Variants in XAB2 observed in about 807,000 individuals in gnomAD.
XAB2 encodes the protein pre-mRNA-splicing factor SYF1.
A neutral mutation model predicts 113.4 loss-of-function variants in XAB2; 57 were observed. The ratio of observed to expected loss-of-function variants is 0.50; its 90% CI spans 0.41 to 0.63. The LOEUF (loss-of-function observed/expected upper bound fraction) is 0.63. Among genes scored for constraint, XAB2 ranks in the 20% least tolerant of loss-of-function variants. XAB2 has a pLI of 0.00. For missense variants in XAB2, 1,037 were observed against 1,233.3 expected (o/e 0.84, Z 2.38); for synonymous variants, 497 against 498.8 (o/e 1.00, Z 0.05).
At chr19:7,621,095 G>GCCCCCCCCC in intron 13 of XAB2, 40 bp downstream of exon 13, 8 of 1,486,288 alleles carry the variant, frequency 5.4e-6, no homozygotes, top group Non-Finnish European at 6.3e-6. Flanking sequence ...CAGAAACCCA[G>GCCCCCCCCC]CCCGCCCGCC....
chr19:7,629,428 G>T, intron 1 of XAB2, 49 bp downstream of exon 1: 1 of 1,563,394 alleles, frequency 6.4e-7, no homozygotes, highest in Non-Finnish European at 8.7e-7. Flanking sequence ...GCGGCGTCCA[G>T]GTCCCAATGC....
chr19:7,627,819 C>T lies in XAB2; in HGVS notation c.233G>A (p.Arg78His), dbSNP rs1205577155. Reference protein sequence around the residue: ...YKLWYRYLKARRAQVKHRCVT... With the variant: ...YKLWYRYLKAHRAQVKHRCVT... ...ACAGCGATGCTTCACCTGTGCCCGACGCGCCTTCAGGTATCGGTACCAGAG... is the reference window on the plus strand; with the variant it reads ...ACAGCGATGCTTCACCTGTGCCCGATGCGCCTTCAGGTATCGGTACCAGAG... Residue 78 changes from arginine to histidine, a missense_variant, in exon 3 of 19, where the codon CGT becomes CAT. Physicochemically the swap from Arg to His is conservative, Grantham distance 29 (BLOSUM62 0). Transcript: ENST00000358368. The surrounding 1 kb of genome is among the most constrained non-coding windows in gnomAD (Gnocchi z 4.5). 10 of 1,613,902 alleles carry T rather than the reference C, an allele frequency of 6.2e-6. No individual in the cohort carries two copies. The highest frequency in any genetic ancestry group is 8.5e-6 in the Non-Finnish European group (10 of 1,179,994).
rs908124677 is a variant in XAB2, at chr19:7,623,457, G to C, written c.1120-168C>G. Among the ~76,000 whole-genome samples, 3 of 151,986 alleles carry C rather than the reference G, an allele frequency of 2.0e-5. No individual in the cohort carries two copies. Among genetic ancestry groups the C allele is most frequent in the Admixed American group, 1.3e-4 (2 of 15,276 alleles). ...CAATGGTCAGGACCAAGAGAGAGCT[G>C]TGGCCCTAAGGGGCGGGGCCAGGAG... On this transcript the variant is annotated intron_variant, in intron 8 of 18. Coordinates refer to ENST00000358368, the MANE Select transcript of XAB2 (RefSeq NM_020196.3). The surrounding 1 kb of genome is among the most constrained non-coding windows in gnomAD (Gnocchi z 4.6).
chr19:7,626,139 G>C lies in XAB2; in HGVS notation c.654C>G (p.Tyr218Ter), dbSNP rs752983042. 1.2e-6 allele frequency: 2 copies of C among 1,613,600 alleles called. No homozygotes were observed. Among genetic ancestry groups the C allele is most frequent in the South Asian group, 1.1e-5 (1 of 91,082 alleles). The stretch of plus-strand genomic sequence containing the variant: ...TGCCGGCTCCCGGCAGGCCCACCTG[G>C]TAGTTGGACTTGCCGGCCTTAGACA... ...RFVSKAGKSN[Y>*]QLWHELCDLI... The change falls in exon 5 of 19, where the codon TAC becomes TAG. Residue 218 changes from tyrosine to a stop codon, truncating the protein, a stop_gained. Coordinates refer to ENST00000358368, the MANE Select transcript of XAB2 (RefSeq NM_020196.3). LOFTEE classifies it high-confidence loss of function.
At position 7,628,677 on chromosome 19, in the gene XAB2, G is replaced by A. The variant is rs1432985549; in HGVS notation, c.52-379C>T. ...ACCAGACCCCACTTCTTCAAAACGT[G>A]CCTCTTCCCAGACACCAGGCCTTTG... On this transcript the variant is annotated intron_variant, in intron 1 of 18. Coordinates refer to ENST00000358368, the MANE Select transcript of XAB2 (RefSeq NM_020196.3). The surrounding 1 kb of genome is among the most constrained non-coding windows in gnomAD (Gnocchi z 4.6). Among the ~76,000 whole-genome samples, 1 of 152,042 alleles carries A rather than the reference G, an allele frequency of 6.6e-6. No individual in the cohort carries two copies. Among genetic ancestry groups the A allele is most frequent in the South Asian group, 2.1e-4 (1 of 4,826 alleles).
chr19:7,627,986 A>G lies in XAB2; in HGVS notation c.201-135T>C. 2.7e-6 allele frequency: 4 copies of G among 1,483,504 alleles called. No homozygotes were observed. Among genetic ancestry groups the G allele is most frequent in the Non-Finnish European group, 3.6e-6 (4 of 1,098,148 alleles). 91.9% of individuals were successfully genotyped at this position (1,483,504 alleles called of 1,614,324 possible). ...GACATGTCTCAGCAATGACAGGGACAGACTGGGACATCAGAGAAGGTGTGC... is the reference window on the plus strand; with the variant it reads ...GACATGTCTCAGCAATGACAGGGACGGACTGGGACATCAGAGAAGGTGTGC... On this transcript the variant is annotated intron_variant, in intron 2 of 18. Coordinates refer to ENST00000358368, the MANE Select transcript of XAB2 (RefSeq NM_020196.3). This position sits in a 1 kb window ranked among gnomAD's most constrained non-coding sequence, Gnocchi z 4.5.
Position 7,620,861 on chromosome 19 carries a change from G to A in XAB2, c.1956C>T (p.Tyr652=), listed in dbSNP as rs1308638606. 7.6e-6 allele frequency: 12 copies of A among 1,587,274 alleles called. No homozygotes were observed. The East Asian group carries it at 1.1e-4, about 15-fold the overall frequency. The stretch of plus-strand genomic sequence containing the variant: ...CGGTGGGTACCTCAATGGCCTTCTG[G>A]TAGATGCCGCGGGTGTGGGTGACCC... The part of the protein sequence containing the change: ...IYGVTHTRGI[Y]QKAIEVLSDE... The change falls in exon 14 of 19, where the codon TAC becomes TAT. Residue 652 remains tyrosine, a synonymous_variant. Transcript: ENST00000358368.
rs752216241 is a variant in XAB2 at position 7,627,337 on chromosome 19, G to A, written c.428C>T (p.Thr143Met). 1.4e-5 allele frequency: 22 copies of A among 1,613,616 alleles called. No homozygotes were observed. The highest frequency in any genetic ancestry group is 8.8e-5 in the South Asian group (8 of 91,078). ...FDRALRALPI[T>M]QHSRIWPLYL... is the part of the protein sequence containing the mutation. The stretch of plus-strand genomic sequence containing the variant: ...CAGGGGCCAAATTCGAGAGTGCTGC[G>A]TGATGGGCAGTGCCCGGAGGGCACG... Residue 143 changes from threonine to methionine, a missense_variant, in exon 4 of 19, where the codon ACG becomes ATG. Transcript: ENST00000358368. This position sits in a 1 kb window ranked among gnomAD's most constrained non-coding sequence, Gnocchi z 4.5.
chr19:7,622,226 C>A, intron 12 of XAB2, 105 bp downstream of exon 12: 1 of 1,080,768 alleles, frequency 9.3e-7, no homozygotes, highest in Non-Finnish European at 1.4e-6. Flanking sequence ...GTCACCCAGT[C>A]TGTATACTGT....
intron 12 of XAB2, 99 bp from the exon 13 acceptor site, chr19:7,621,396 A>G (rs4134861): frequency 7.0e-7 from 1 of 1,422,248 alleles, no homozygotes; most frequent in Non-Finnish European, 9.7e-7. Context: ...CCTGCCAGGA[A>G]CTCCCTTGGG....
intron 4 of XAB2, among the ~76,000 whole-genome samples, chr19:7,626,898 TC>T (rs1463702502): frequency 6.6e-6 from 1 of 152,162 alleles, no homozygotes; most frequent in Non-Finnish European, 1.5e-5. Context: ...TGCCTGCTTC[TC>T]CCCACCCCTA....
In XAB2 at chr19:7,624,217, C is replaced by G. The variant is rs1210436573; in HGVS notation, c.967+84G>C. The G allele has an allele frequency of 3.2e-6, 5 of 1,586,614 alleles. No individual in the cohort carries two copies. Among genetic ancestry groups the G allele is most frequent in the Non-Finnish European group, 4.3e-6 (5 of 1,170,340 alleles). ...TGGCCCCCAGCTGAGCCTCCCAGGGCTGCCTCACCTGAGATGTGTCCCGCC... is the reference window on the plus strand; with the variant it reads ...TGGCCCCCAGCTGAGCCTCCCAGGGGTGCCTCACCTGAGATGTGTCCCGCC... On this transcript the variant is annotated intron_variant, in intron 7 of 18. Transcript: ENST00000358368. This position sits in a 1 kb window ranked among gnomAD's most constrained non-coding sequence, Gnocchi z 4.2.
At position 7,624,217 on chromosome 19, in the gene XAB2, C is replaced by T; in HGVS notation, c.967+84G>A. On this transcript the variant is annotated intron_variant, in intron 7 of 18. Transcript: ENST00000358368. This position sits in a 1 kb window ranked among gnomAD's most constrained non-coding sequence, Gnocchi z 4.2. ...TGGCCCCCAGCTGAGCCTCCCAGGG[C>T]TGCCTCACCTGAGATGTGTCCCGCC... 6.3e-7 allele frequency: 1 copy of T among 1,586,732 alleles called. No homozygotes were observed. Among genetic ancestry groups the T allele is most frequent in the Non-Finnish European group, 8.5e-7 (1 of 1,170,332 alleles).
At position 7,623,601 on chromosome 19, in the gene XAB2, CA is replaced by C. The variant is rs2031080416; in HGVS notation, c.1119+129del. 7.7e-7 allele frequency: 1 copy of C among 1,305,374 alleles called. No individual in the cohort carries two copies. Among genetic ancestry groups the C allele is most frequent in the Non-Finnish European group, 1.0e-6 (1 of 960,458 alleles). 80.9% of individuals were successfully genotyped at this position (1,305,374 alleles called of 1,614,324 possible). On this transcript the variant is annotated intron_variant, in intron 8 of 18. Transcript: ENST00000358368. This position sits in a 1 kb window ranked among gnomAD's most constrained non-coding sequence, Gnocchi z 4.6. The stretch of plus-strand genomic sequence containing the variant: ...TCGGGCAGGAGGAGAACCCCAAGAA[CA>C]GGGGTGGAATTGGACCTACTAAGCA...
chr19:7,623,786 T>G lies in XAB2; in HGVS notation c.1064A>C (p.His355Pro). The G allele has an allele frequency of 6.2e-7, 1 of 1,612,046 alleles. No homozygotes were observed. Among genetic ancestry groups the G allele is most frequent in the Non-Finnish European group, 8.5e-7 (1 of 1,179,546 alleles). ...ACGCTTGTGCCACTCGTGCACGTGG[T>G]GTGGGTTTTGGCGCAGCAAGACGCT... ...LNSVLLRQNPHHVHEWHKRVA... is the reference protein window; with the variant it reads ...LNSVLLRQNPPHVHEWHKRVA... Residue 355 changes from histidine to proline, a missense_variant, in exon 8 of 19, where the codon CAC becomes CCC. His to Pro is a moderately conservative substitution (Grantham distance 77). Transcript: ENST00000358368. This position sits in a 1 kb window ranked among gnomAD's most constrained non-coding sequence, Gnocchi z 4.6.
At position 7,621,326 on chromosome 19, in the gene XAB2, G is replaced by T. The variant is rs774829456; in HGVS notation, c.1618-29C>A. ...TTACCAGAGGGAGAGTCACATGTGA[G>T]AGTCTGCAGATAGAGACCACCAGGC... is the stretch of plus-strand genomic sequence containing the variant. On this transcript the variant is annotated intron_variant, in intron 12 of 18. Coordinates refer to ENST00000358368, the MANE Select transcript of XAB2 (RefSeq NM_020196.3). The T allele has an allele frequency of 6.2e-6, 10 of 1,609,018 alleles. No homozygotes were observed. The South Asian group carries it at 9.9e-5, about 16-fold the overall frequency.
Position 7,627,784 on chromosome 19 carries a change from G to C in XAB2, c.268C>G (p.Pro90Ala), listed in dbSNP as rs755397413. ...AQVKHRCVTD[P>A]AYEDVNNCHE... ...CAGTTGTTGACATCTTCATAGGCAG[G>C]GTCGGTCACACAGCGATGCTTCACC... is the stretch of plus-strand genomic sequence containing the variant. Residue 90 changes from proline to alanine, a missense_variant, in exon 3 of 19, where the codon CCT becomes GCT. Coordinates refer to ENST00000358368, the MANE Select transcript of XAB2 (RefSeq NM_020196.3). This position sits in a 1 kb window ranked among gnomAD's most constrained non-coding sequence, Gnocchi z 4.5. 1 of 1,614,042 alleles carries C rather than the reference G, an allele frequency of 6.2e-7. No homozygotes were observed. Among genetic ancestry groups the C allele is most frequent in the Non-Finnish European group, 8.5e-7 (1 of 1,180,018 alleles).
chr19:7,629,477 G>T lies in XAB2; in HGVS notation c.51C>A (p.Phe17Leu). ...ACCCCCGGCTCCTCTGTGGACTCAC[G>T]AAGACAAGGTCCGGCCGCTCGGGCC... Reference protein sequence around the residue: ...LSRPERPDLVFEEEDLPYEEE... With the variant: ...LSRPERPDLVLEEEDLPYEEE... Residue 17 changes from phenylalanine (F) to leucine (L), a missense_variant and splice_region_variant, in exon 1 of 19, where the codon TTC becomes TTA. Coordinates refer to ENST00000358368, the MANE Select transcript of XAB2 (RefSeq NM_020196.3). The T allele has an allele frequency of 6.3e-7, 1 of 1,598,948 alleles. No homozygotes were observed. The highest frequency in any genetic ancestry group is 8.5e-7 in the Non-Finnish European group (1 of 1,173,144).
Position 7,623,680 on chromosome 19 carries a change from T to C in XAB2, c.1119+51A>G, listed in dbSNP as rs140132814. On this transcript the variant is annotated intron_variant, in intron 8 of 18. Coordinates refer to ENST00000358368, the MANE Select transcript of XAB2 (RefSeq NM_020196.3). The surrounding 1 kb of genome is among the most constrained non-coding windows in gnomAD (Gnocchi z 4.6). The stretch of plus-strand genomic sequence containing the variant: ...TGGGTGAAGGTGGGTGGCTCCCCAG[T>C]TCTGCAGGAAACTGGCCCTCAGGGG... The C allele has an allele frequency of 1.1e-3, 1,687 of 1,531,820 alleles. 18 individuals are homozygous for C. In the African/African-American group the frequency reaches 0.02, roughly 19 times the overall value. 94.9% of individuals were successfully genotyped at this position (1,531,820 alleles called of 1,614,324 possible).
Sources: allele counts gnomAD v4.1 joint callset (sites outside exome capture counted in the v4.1 genomes callset), GRCh38; gene constraint gnomAD v4.1.1; non-coding constraint Gnocchi (gnomAD v3.1); transcripts MANE v1.5; gene names NCBI Gene and HGNC (gene_info 2026-07-23, HGNC 2026-07-21).